The following DIDO1 variants were observed in gnomAD, a reference collection of about 807,000 sequenced individuals.
The protein encoded by DIDO1 is death inducer-obliterator 1, also known as death-inducer obliterator 1.
In DIDO1, 16 loss-of-function variants were observed where a neutral mutation model predicts 99.4. The ratio of observed to expected loss-of-function variants is 0.16; its 90% CI spans 0.11 to 0.24. The LOEUF is 0.24. Among genes scored for constraint, DIDO1 ranks in the 10% least tolerant of loss-of-function variants. The pLI is 1.00. For synonymous variants in DIDO1, 1,366 were observed against 1,239.1 expected, an observed-to-expected ratio of 1.10 and a Z score of -2.15; for missense variants, 2,996 against 3,014.0, an observed-to-expected ratio of 0.99 and a Z score of 0.14.
At chr20:62,909,150 C>A (rs188279944) in intron 4 of DIDO1, among the ~76,000 whole-genome samples, 1 of 152,354 alleles carries the variant, frequency 6.6e-6, no homozygotes, top group East Asian at 1.9e-4. Context: ...TGGGGACAGG[C>A]CCGGGACCCT....
At chr20:62,934,669 C>T (rs1477571004) in intron 1 of DIDO1, among the ~76,000 whole-genome samples, 1 of 151,956 alleles carries the variant, frequency 6.6e-6, no homozygotes, top group Non-Finnish European at 1.5e-5. Flanking sequence ...CTTCACCTCA[C>T]CCCTGCTCAC....
At chr20:62,899,105 ACACCAGGCAGG>A (rs1363023007) in intron 6 of DIDO1, among the ~76,000 whole-genome samples, 2 of 152,194 alleles carry the variant, frequency 1.3e-5, no homozygotes, top group Non-Finnish European at 1.5e-5. Flanking sequence ...CAGGAGGCTG[ACACCAGGCAGG>A]CACCAGGAAC....
chr20:62,887,998 C>A, intron 15 of DIDO1: 2 of 985,490 alleles, frequency 2.0e-6, no homozygotes, highest in Non-Finnish European at 2.4e-6. Flanking sequence ...TCAGGGAGAT[C>A]CAGCTACTGC....
At chr20:62,919,758 G>C (rs567674334) in intron 1 of DIDO1, among the ~76,000 whole-genome samples, 9 of 152,356 alleles carry the variant, frequency 5.9e-5, no homozygotes, top group African/African-American at 2.2e-4. Flanking sequence ...GGGCCGCCAA[G>C]CTCCCCATGT....
intron 15 of DIDO1, among the ~76,000 whole-genome samples, chr20:62,884,650 G>A (rs959009540): frequency 3.9e-5 from 6 of 152,200 alleles, no homozygotes; most frequent in Admixed American, 1.3e-4. Flanking sequence ...GGCTGAGCAC[G>A]GAAGATGGGT....
chr20:62,881,626 G>A lies in DIDO1; in HGVS notation c.4330C>T (p.Leu1444=). The A allele has an allele frequency of 6.2e-7, 1 of 1,612,618 alleles. No individual in the cohort carries two copies. The highest frequency in any genetic ancestry group is 1.7e-5 in the Admixed American group (1 of 60,030). ...LEEAKVTVDD[L]PNRMCADVRR... ...ACGTCGGCACACATCCTGTTGGGCA[G>A]GTCATCAACAGTCACTTTCGCTTCT... Residue 1444 remains leucine (L), a synonymous_variant, in exon 16 of 16, where the codon CTG becomes TTG. Coordinates refer to ENST00000395343, the MANE Select transcript of DIDO1 (RefSeq NM_001193369.2). This position sits in a 1 kb window ranked among gnomAD's most constrained non-coding sequence, Gnocchi z 8.3.
At chr20:62,928,150 G>A (rs1268789156), upstream of DIDO1, among the ~76,000 whole-genome samples, 2 of 152,150 alleles carry the variant, frequency 1.3e-5, no homozygotes, top group East Asian at 1.9e-4. Flanking sequence ...ATTTGTTTCT[G>A]CAAGACGGTG....
At position 62,878,526 on chromosome 20, in the gene DIDO1, G is replaced by A. The variant is rs536066713; in HGVS notation, c.*707C>T. 2 of 152,158 alleles carry A rather than the reference G, an allele frequency of 1.3e-5. No individual in the cohort carries two copies. The highest frequency in any genetic ancestry group is 2.1e-4 in the South Asian group (1 of 4,820). 9.4% of individuals were successfully genotyped at this position (152,158 alleles called of 1,614,324 possible). A position where few individuals can be genotyped will look rare whatever the true frequency, so the allele number is the denominator to read the frequency against. ...CCCTGCCCCCAAAGTACACTTAATT[G>A]GTTTGTTACTTTTTTTAGGCTGGTA... On this transcript the variant is annotated 3_prime_UTR_variant, in exon 16 of 16. Coordinates refer to ENST00000395343, the MANE Select transcript of DIDO1 (RefSeq NM_001193369.2).
intron 2 of DIDO1, among the ~76,000 whole-genome samples, chr20:62,912,504 T>A (rs977359011): frequency 2.0e-5 from 3 of 151,964 alleles, no homozygotes; most frequent in Non-Finnish European, 2.9e-5. Flanking sequence ...GCCAGTATAT[T>A]TTTTTTTCTG....
At position 62,879,399 on chromosome 20, in the gene DIDO1, C is replaced by T. The variant is rs1568818070; in HGVS notation, c.6557G>A (p.Arg2186Lys). Residue 2186 changes from arginine (R) to lysine (K), a missense_variant, in exon 16 of 16, where the codon AGG (arginine) becomes AAG (lysine). Around this residue, in one of 5 missense-constraint regions of DIDO1, gnomAD observed 1,562 missense variants for 1,412.6 expected, o/e 1.11. Transcript: ENST00000395343. The surrounding 1 kb of genome is among the most constrained non-coding windows in gnomAD (Gnocchi z 6.3). The stretch of plus-strand genomic sequence containing the variant: ...GCTCCGGGACCGGTCCCGGTCGCGC[C>T]TCCGGTCTCGCTCGCGCTCTCGGTT... ...SRNRERERDR[R>K]RDRDRSRSRE... The T allele has an allele frequency of 1.3e-6, 2 of 1,544,060 alleles. No homozygotes were observed. The highest frequency in any genetic ancestry group is 1.7e-6 in the Non-Finnish European group (2 of 1,147,946).
At position 62,891,114 on chromosome 20, in the gene DIDO1, C is replaced by T; in HGVS notation, c.3387G>A (p.Glu1129=). 1.2e-6 allele frequency: 2 copies of T among 1,614,150 alleles called. No individual in the cohort carries two copies. The highest frequency in any genetic ancestry group is 1.7e-6 in the Non-Finnish European group (2 of 1,180,034). Residue 1129 remains glutamate (E), a synonymous_variant, in exon 15 of 16, where the codon GAG becomes GAA. Transcript: ENST00000395343. ...LIRFHPATEE[E]EVAYISLYSY... Reference sequence around the variant, plus strand: ...AGTAGAGAGAGATATAGGCGACCTCCTCTTCCTCTGTGGCGGGGTGGAAGC... The same window carrying T: ...AGTAGAGAGAGATATAGGCGACCTCTTCTTCCTCTGTGGCGGGGTGGAAGC...
chr20:62,926,330 G>C (rs982622074), intron 1 of DIDO1, 109 bp downstream of exon 1: 7 of 151,612 alleles, frequency 4.6e-5, no homozygotes, highest in Non-Finnish European at 1.0e-4. Context: ...TGCGGGATCC[G>C]CGGCTCTCGC....
chr20:62,919,577 C>G (rs114534026), intron 1 of DIDO1, among the ~76,000 whole-genome samples: 60 of 151,846 alleles, frequency 4.0e-4, no homozygotes, highest in African/African-American at 1.4e-3. Flanking sequence ...GGTGCCACAA[C>G]ACAGTATGTT....
At chr20:62,933,661 G>T (rs543935307) in intron 1 of DIDO1, among the ~76,000 whole-genome samples, 3 of 152,186 alleles carry the variant, frequency 2.0e-5, no homozygotes, top group African/African-American at 7.2e-5. Context: ...CTTGCACGCA[G>T]AAGTTTGAGA....
intron 3 of DIDO1, 81 bp downstream of exon 3, chr20:62,910,693 T>G (rs562349194): frequency 1.8e-5 from 27 of 1,481,332 alleles, no homozygotes; most frequent in Non-Finnish European, 2.2e-5. Context: ...CAGCCCAGCT[T>G]TGTAACCCTT....
intron 3 of DIDO1, among the ~76,000 whole-genome samples, 154 bp from the exon 4 acceptor site, chr20:62,910,174 A>G (rs2064897903): frequency 6.6e-6 from 1 of 152,250 alleles, no homozygotes. Context: ...CTTTGATTTT[A>G]ACATTCAACC....
In DIDO1 at chr20:62,911,272, C is replaced by T; in HGVS notation, c.341G>A (p.Ser114Asn). 6.2e-7 allele frequency: 1 copy of T among 1,612,840 alleles called. No individual in the cohort carries two copies. Among genetic ancestry groups the T allele is most frequent in the Non-Finnish European group, 8.5e-7 (1 of 1,180,034 alleles). Residue 114 changes from serine (S) to asparagine (N), a missense_variant, in exon 3 of 16, where the codon AGC (serine) becomes AAC (asparagine). Physicochemically the swap from Ser to Asn is conservative, Grantham distance 46. Coordinates refer to ENST00000395343, the MANE Select transcript of DIDO1 (RefSeq NM_001193369.2). This position sits in a 1 kb window ranked among gnomAD's most constrained non-coding sequence, Gnocchi z 7.0. ...TCTGGTCTCAGAAGCGCTTTCCACG[C>T]TGCCCTCGGAGGCTGTCTCGGCGTC... Reference protein sequence around the residue: ...ATDAETASEGSVESASETRSG... With the variant: ...ATDAETASEGNVESASETRSG...
intron 1 of DIDO1, among the ~76,000 whole-genome samples, 181 bp downstream of exon 1, chr20:62,926,246 CCCCGCCCGCTCG>C (rs1229017249): frequency 1.1e-4 from 11 of 104,624 alleles, no homozygotes; most frequent in South Asian, 3.0e-4. Context: ...CTCTGACCGG[CCCCGCCCGCTCG>C]CCCGCCCGCC....
chr20:62,917,104 C>A (rs1448325281), intron 1 of DIDO1, among the ~76,000 whole-genome samples: 1 of 152,186 alleles, frequency 6.6e-6, no homozygotes. Context: ...GCACCTCCCC[C>A]ACCCACACCA....
Sources: gnomAD v4.1 joint callset for allele counts (sites outside exome capture counted in the v4.1 genomes callset) on GRCh38, gnomAD v4.1.1 for gene constraint, gnomAD v4.1.1 regional missense constraint, Gnocchi (gnomAD v3.1) non-coding constraint, MANE v1.5 for transcripts, NCBI Gene and HGNC (gene_info 2026-07-23, HGNC 2026-07-21) for gene names.